Variants in SCAPER observed in about 807,000 individuals in gnomAD.
The protein encoded by SCAPER is S phase cyclin A-associated protein in the endoplasmic reticulum.
SCAPER carries 98 observed loss-of-function variants against 182.2 expected under a neutral mutation model. The ratio of observed to expected loss-of-function variants is 0.54; its 90% CI spans 0.46 to 0.64. The LOEUF (loss-of-function observed/expected upper bound fraction) is 0.64. Ranked by LOEUF, SCAPER falls within the 30% of genes least tolerant of loss-of-function variation. The pLI, the probability that SCAPER is intolerant of heterozygous loss-of-function variation, is 0.00. For missense variants in SCAPER, 1,432 were observed against 1,690.0 expected (o/e 0.85, Z 2.68); for synonymous variants, 605 against 564.6 (o/e 1.07, Z -1.01).
chr15:76,806,967 CT>C (rs1474613434), intron 5 of SCAPER, among the ~76,000 whole-genome samples: 1 of 152,106 alleles, frequency 6.6e-6, no homozygotes, highest in African/African-American at 2.4e-5. Context: ...GGGCAGGTGT[CT>C]TTAAGGGTTC....
intron 21 of SCAPER, among the ~76,000 whole-genome samples, chr15:76,650,073 G>A (rs886382312): frequency 9.2e-5 from 14 of 152,080 alleles, no homozygotes; most frequent in Admixed American, 5.9e-4. Flanking sequence ...GAAGATGGAC[G>A]CATAAATTGT....
chr15:76,389,312 C>T lies in SCAPER; in HGVS notation c.3468-7697G>A, dbSNP rs557344726. Among the ~76,000 whole-genome samples, 653 of 151,194 alleles carry T rather than the reference C, an allele frequency of 4.3e-3. 7 individuals carry two copies. Among genetic ancestry groups the T allele is most frequent in the African/African-American group, 0.015 (620 of 41,106 alleles). ...GGTCAGGAGTTCAACACCAGCCTGGCCAACATGGTGAAACCCTGTCTCTAC... is the reference window on the plus strand; with the variant it reads ...GGTCAGGAGTTCAACACCAGCCTGGTCAACATGGTGAAACCCTGTCTCTAC... On this transcript the variant is annotated intron_variant, in intron 27 of 31. Transcript: ENST00000563290.
chr15:76,504,769 C>A, intron 24 of SCAPER, 90 bp downstream of exon 24: 1 of 1,062,904 alleles, frequency 9.4e-7, no homozygotes, highest in Non-Finnish European at 1.3e-6. Flanking sequence ...AATACACATA[C>A]AATTTTCTTG....
intron 8 of SCAPER, among the ~76,000 whole-genome samples, chr15:76,777,468 G>C (rs1302918577): frequency 1.3e-5 from 2 of 151,946 alleles, no homozygotes; most frequent in Admixed American, 6.6e-5. Flanking sequence ...GGAGGCCAAG[G>C]GGGGTGGATC....
chr15:76,531,740 T>C (rs1037801175), intron 23 of SCAPER, among the ~76,000 whole-genome samples: 5 of 152,202 alleles, frequency 3.3e-5, no homozygotes, highest in Non-Finnish European at 5.9e-5. Context: ...AGATATTTTA[T>C]TTCCCAGTGT....
At chr15:76,658,221 G>C (rs2146652954) in intron 21 of SCAPER, among the ~76,000 whole-genome samples, 1 of 152,106 alleles carries the variant, frequency 6.6e-6, no homozygotes, top group South Asian at 2.1e-4. Flanking sequence ...TACCATTTCA[G>C]GATATAAAAT....
chr15:76,707,663 A>G (rs2059327500), intron 17 of SCAPER, among the ~76,000 whole-genome samples: 1 of 152,304 alleles, frequency 6.6e-6, no homozygotes, highest in African/African-American at 2.4e-5. Context: ...ATATTTGGAG[A>G]TTTTGATAAT....
chr15:76,880,910 T>C (rs993825350), intron 2 of SCAPER, among the ~76,000 whole-genome samples: 3 of 151,956 alleles, frequency 2.0e-5, no homozygotes, highest in Non-Finnish European at 2.9e-5. Context: ...ATAAAAAATG[T>C]TGGTGAGGAT....
intron 23 of SCAPER, among the ~76,000 whole-genome samples, chr15:76,510,888 T>TGTGTGTGTGTGTGTGTGCGC (rs1491205462): frequency 1.6e-4 from 22 of 141,204 alleles, no homozygotes; most frequent in African/African-American, 5.2e-4. Context: ...TGTGTGTGTG[T>TGTGTGTGTGTGTGTGTGCGC]GCGCGCGCGC....
chr15:76,762,069 T>C (rs1009244357), intron 14 of SCAPER, among the ~76,000 whole-genome samples: 3 of 152,182 alleles, frequency 2.0e-5, no homozygotes, highest in Non-Finnish European at 2.9e-5. Flanking sequence ...TGTCCTAAAG[T>C]CTGTTTTGTC....
intron 26 of SCAPER, among the ~76,000 whole-genome samples, chr15:76,428,866 C>CCATATATATATATATATATATATATA (rs1555432006): frequency 1.3e-5 from 1 of 79,952 alleles, no homozygotes; most frequent in African/African-American, 5.5e-5. Flanking sequence ...GATCATTATA[C>CCATATATATATATATATATATATATA]TATATATATA....
intron 17 of SCAPER, among the ~76,000 whole-genome samples, chr15:76,727,138 AC>A (rs1895471115): frequency 6.6e-6 from 1 of 152,096 alleles, no homozygotes; most frequent in African/African-American, 2.4e-5. Flanking sequence ...CAGTAGAAAA[AC>A]ATTTAGTAGC....
intron 5 of SCAPER, among the ~76,000 whole-genome samples, chr15:76,820,836 A>G (rs1174314441): frequency 1.3e-5 from 2 of 152,348 alleles, no homozygotes; most frequent in African/African-American, 4.8e-5. Flanking sequence ...ACACTTCACC[A>G]AAGAAGATAT....
At chr15:76,842,361 T>C (rs1174737243) in intron 4 of SCAPER, among the ~76,000 whole-genome samples, 3 of 152,178 alleles carry the variant, frequency 2.0e-5, no homozygotes, top group Non-Finnish European at 4.4e-5. Context: ...AACTGAATCA[T>C]GGGGGCAGTT....
chr15:76,429,876 C>T (rs1287746546), intron 26 of SCAPER, among the ~76,000 whole-genome samples: 1 of 152,162 alleles, frequency 6.6e-6, no homozygotes, highest in African/African-American at 2.4e-5. Context: ...GTCGCCAGGG[C>T]ATGTCAGAGG....
intron 23 of SCAPER, among the ~76,000 whole-genome samples, chr15:76,555,412 T>C (rs9783735): frequency 0.052 from 7,882 of 152,204 alleles, 614 homozygotes; most frequent in African/African-American, 0.17. Flanking sequence ...ATAGGCTACA[T>C]GCCCCAATTA....
chr15:76,707,553 C>T (rs971605684), intron 17 of SCAPER, among the ~76,000 whole-genome samples: 9 of 152,182 alleles, frequency 5.9e-5, no homozygotes, highest in Middle Eastern at 3.4e-3. Flanking sequence ...ATCAATACCT[C>T]AGTAAGGCAA....
intron 1 of SCAPER, among the ~76,000 whole-genome samples, chr15:76,903,285 T>G (rs968714483): frequency 3.3e-5 from 5 of 152,188 alleles, no homozygotes; most frequent in African/African-American, 1.2e-4. Context: ...ATAAACACAT[T>G]TGTACAGTAC....
chr15:76,760,739 A>T (rs1182600109), intron 14 of SCAPER, among the ~76,000 whole-genome samples: 2 of 152,196 alleles, frequency 1.3e-5, no homozygotes, highest in African/African-American at 4.8e-5. Flanking sequence ...AATTACAAAG[A>T]TCATAGAAGT....
Sources: allele counts gnomAD v4.1 joint callset (sites outside exome capture counted in the v4.1 genomes callset), GRCh38; gene constraint gnomAD v4.1.1; transcripts MANE v1.5; gene names NCBI Gene and HGNC (gene_info 2026-07-23, HGNC 2026-07-21).